JMJD1C: variants seen among roughly 807,000 people sequenced by gnomAD.
The protein encoded by JMJD1C is jumonji domain containing 1C, also known as jumonji domain-containing protein 1C.
Under a neutral mutation model 245.3 loss-of-function variants are expected in JMJD1C, and 31 were observed. The ratio of observed to expected loss-of-function variants is 0.13; its 90% CI spans 0.09 to 0.17. The LOEUF (loss-of-function observed/expected upper bound fraction) is 0.17. JMJD1C is among the 10% of genes least tolerant of loss of function. The pLI is 1.00. For synonymous variants in JMJD1C, 1,057 were observed against 1,017.4 expected (o/e 1.04, Z -0.74); for missense variants, 2,691 against 3,000.2 (o/e 0.90, Z 2.41).
At chr10:63,518,921 G>GA (rs1430937832) in intron 1 of JMJD1C, among the ~76,000 whole-genome samples, 2 of 152,194 alleles carry the variant, frequency 1.3e-5, no homozygotes, top group African/African-American at 4.8e-5. Flanking sequence ...TGGGAAGCAT[G>GA]AATTAGATCT....
chr10:63,213,004 G>A (rs1170815176), intron 8 of JMJD1C, among the ~76,000 whole-genome samples: 1 of 151,070 alleles, frequency 6.6e-6, no homozygotes, highest in Non-Finnish European at 1.5e-5. Context: ...TGACCAACAT[G>A]GTAAAACTCC....
intron 1 of JMJD1C, among the ~76,000 whole-genome samples, chr10:63,484,160 G>C (rs964827281): frequency 1.3e-5 from 2 of 151,830 alleles, no homozygotes; most frequent in Non-Finnish European, 2.9e-5. Flanking sequence ...TGGGCATGGT[G>C]GCTCACTCCT....
intron 1 of JMJD1C, among the ~76,000 whole-genome samples, chr10:63,422,832 G>A (rs761918622): frequency 1.3e-5 from 2 of 152,082 alleles, no homozygotes; most frequent in Non-Finnish European, 1.5e-5. Context: ...GTATTCACAT[G>A]TACTTTTTAC....
At chr10:63,387,829 G>T (rs980692420) in intron 1 of JMJD1C, among the ~76,000 whole-genome samples, 1 of 151,392 alleles carries the variant, frequency 6.6e-6, no homozygotes. Flanking sequence ...TAGAGACGGG[G>T]TTTCACCGTG....
chr10:63,457,683 A>G (rs532492521), intron 1 of JMJD1C, among the ~76,000 whole-genome samples: 101 of 152,346 alleles, frequency 6.6e-4, no homozygotes, highest in African/African-American at 2.4e-3. Context: ...GAAAGAATAT[A>G]TAACATTACA....
intron 1 of JMJD1C, among the ~76,000 whole-genome samples, chr10:63,429,073 C>T (rs931035185): frequency 2.0e-5 from 3 of 152,144 alleles, no homozygotes; most frequent in Admixed American, 6.5e-5. Flanking sequence ...CTCTACCTCC[C>T]GGGTTCAAGA....
chr10:63,471,578 CAAA>C (rs1166208349), intron 1 of JMJD1C, among the ~76,000 whole-genome samples: 3 of 152,138 alleles, frequency 2.0e-5, no homozygotes, highest in African/African-American at 4.8e-5. Context: ...TCAAAGGTCT[CAAA>C]GAAGATATAC....
intron 10 of JMJD1C, chr10:63,205,163 T>C (rs868066386): frequency 9.0e-6 from 3 of 332,124 alleles, no homozygotes; most frequent in Non-Finnish European, 1.3e-5. Context: ...ATATAATCAG[T>C]TGTGAAGCTA....
Position 63,214,600 on chromosome 10 carries a change from G to C in JMJD1C, c.1567C>G (p.Gln523Glu). 5.0e-6 allele frequency: 8 copies of C among 1,614,058 alleles called. No homozygotes were observed. Among genetic ancestry groups the C allele is most frequent in the Non-Finnish European group, 6.8e-6 (8 of 1,179,990 alleles). Reference protein sequence around the residue: ...TNDTNLEKVAQENSSTFGLQT... With the variant: ...TNDTNLEKVAEENSSTFGLQT... ...AGGCCAAAGGTACTTGAGTTTTCCT[G>C]AGCCACCTTTTCTAAATTAGTGTCA... Residue 523 changes from glutamine to glutamate, a missense_variant, in exon 8 of 26, where the codon CAG becomes GAG. Around this residue, in one of 9 missense-constraint regions of JMJD1C, gnomAD observed 1,562 missense variants for 1,490.7 expected, o/e 1.05. Transcript: ENST00000399262.
chr10:63,177,941 G>C (rs942144998), intron 22 of JMJD1C, 85 bp from the exon 23 acceptor site: 1 of 1,406,288 alleles, frequency 7.1e-7, no homozygotes, highest in African/African-American at 1.4e-5. Flanking sequence ...CAGAGCAGCA[G>C]AGTGCCTGAC....
intron 1 of JMJD1C, among the ~76,000 whole-genome samples, chr10:63,434,480 G>A (rs1269495935): frequency 1.3e-5 from 2 of 152,114 alleles, no homozygotes; most frequent in Non-Finnish European, 2.9e-5. Flanking sequence ...GAAGTCCAGG[G>A]AGGCTAAGAC....
intron 2 of JMJD1C, chr10:63,372,810 T>A (rs1231724535): frequency 6.1e-6 from 1 of 163,322 alleles, no homozygotes; most frequent in Non-Finnish European, 1.5e-5. Context: ...CAAAGCAGAA[T>A]GTGCTGATTG....
intron 2 of JMJD1C, among the ~76,000 whole-genome samples, chr10:63,374,603 C>T (rs1288762272): frequency 2.0e-5 from 3 of 152,134 alleles, no homozygotes; most frequent in African/African-American, 4.8e-5. Flanking sequence ...TATGAATATA[C>T]ATTTTAAAAA....
At chr10:63,448,238 C>T (rs1000184500) in intron 1 of JMJD1C, among the ~76,000 whole-genome samples, 2 of 152,108 alleles carry the variant, frequency 1.3e-5, no homozygotes, top group Non-Finnish European at 2.9e-5. Flanking sequence ...CTCACTGCAA[C>T]CTCCACCTCC....
chr10:63,202,627 C>T lies in JMJD1C; in HGVS notation c.5075-1950G>A, dbSNP rs980625674. 3.0e-6 allele frequency: 3 copies of T among 985,316 alleles called. No individual in the cohort carries two copies. In the East Asian group the frequency reaches 3.4e-4, roughly 112 times the overall value. The allele number at this position is 985,316 out of a possible 1,614,324, so 61.0% of individuals were successfully genotyped here. A position where few individuals can be genotyped will look rare whatever the true frequency, so the allele number is the denominator to read the frequency against. On this transcript the variant is annotated intron_variant, in intron 10 of 25. Transcript: ENST00000399262. Reference sequence around the variant, plus strand: ...CATGCTTTCCCCTCTCTGTCTCTAACTTAGGGTAAGGAGCCATTTGGCTTA... The same window carrying T: ...CATGCTTTCCCCTCTCTGTCTCTAATTTAGGGTAAGGAGCCATTTGGCTTA...
intron 8 of JMJD1C, among the ~76,000 whole-genome samples, chr10:63,212,099 A>G (rs143860416): frequency 1.3e-5 from 2 of 152,308 alleles, no homozygotes; most frequent in African/African-American, 4.8e-5. Context: ...CTATCATTCT[A>G]CTCATAGAAA....
At chr10:63,212,458 G>C (rs1027398011) in intron 8 of JMJD1C, among the ~76,000 whole-genome samples, 1 of 152,100 alleles carries the variant, frequency 6.6e-6, no homozygotes, top group Admixed American at 6.5e-5. Flanking sequence ...TTTTATACCG[G>C]GGCTAGTATT....
intron 3 of JMJD1C, among the ~76,000 whole-genome samples, chr10:63,251,443 C>T (rs925843073): frequency 3.9e-5 from 6 of 151,986 alleles, no homozygotes; most frequent in African/African-American, 1.2e-4. Flanking sequence ...GTGAAAGATT[C>T]CTCATTTATA....
intron 1 of JMJD1C, among the ~76,000 whole-genome samples, chr10:63,391,975 A>C (rs1948091582): frequency 6.6e-6 from 1 of 152,190 alleles, no homozygotes; most frequent in South Asian, 2.1e-4. Context: ...GCTTTAAACC[A>C]AAAGTAAAAG....
Sources: allele counts gnomAD v4.1 joint callset (sites outside exome capture counted in the v4.1 genomes callset), GRCh38; gene constraint gnomAD v4.1.1; regional missense constraint gnomAD v4.1.1; transcripts MANE v1.5; gene names NCBI Gene and HGNC (gene_info 2026-07-23, HGNC 2026-07-21).